The following PTPRN2 variants were observed in gnomAD, a reference collection of about 807,000 sequenced individuals.
PTPRN2 encodes protein tyrosine phosphatase receptor type N2, also known as receptor-type tyrosine-protein phosphatase N2.
Under a neutral mutation model 118.8 loss-of-function variants are expected in PTPRN2, and 74 were observed. The ratio of observed to expected loss-of-function variants is 0.62; its 90% CI spans 0.52 to 0.76. The LOEUF (loss-of-function observed/expected upper bound fraction) is 0.76, where lower values mean the gene tolerates loss of function less well. Ranked by LOEUF, PTPRN2 falls within the 30% of genes least tolerant of loss-of-function variation. The pLI, the probability that PTPRN2 is intolerant of heterozygous loss-of-function variation, is 0.00. For synonymous variants in PTPRN2, 641 were observed against 608.0 expected (o/e 1.05, Z -0.80); for missense variants, 1,481 against 1,394.4 (o/e 1.06, Z -0.99).
intron 3 of PTPRN2, among the ~76,000 whole-genome samples, chr7:158,253,771 A>G (rs942365435): frequency 1.3e-5 from 2 of 152,246 alleles, no homozygotes; most frequent in Non-Finnish European, 2.9e-5. Context: ...GAAGAGCGGA[A>G]TAACTCTTTT....
At chr7:158,183,607 C>G (rs1027704917) in intron 5 of PTPRN2, among the ~76,000 whole-genome samples, 3 of 152,256 alleles carry the variant, frequency 2.0e-5, no homozygotes, top group Admixed American at 6.5e-5. Flanking sequence ...GCACACAGGG[C>G]TCTTTCTACT....
At chr7:158,177,090 C>A (rs914990103) in intron 5 of PTPRN2, among the ~76,000 whole-genome samples, 1 of 152,206 alleles carries the variant, frequency 6.6e-6, no homozygotes, top group African/African-American at 2.4e-5. Context: ...CCTGTGAATG[C>A]AGGCGTCCCT....
intron 2 of PTPRN2, among the ~76,000 whole-genome samples, chr7:158,473,649 C>G (rs1447677456): frequency 6.6e-6 from 1 of 152,212 alleles, no homozygotes; most frequent in South Asian, 2.1e-4. Context: ...CATGGTGTCC[C>G]AAGGACACTG....
At chr7:158,213,672 T>C (rs559124150) in intron 3 of PTPRN2, among the ~76,000 whole-genome samples, 29 of 152,320 alleles carry the variant, frequency 1.9e-4, no homozygotes, top group African/African-American at 6.0e-4. Flanking sequence ...TTTATATAGC[T>C]ATTTCTGATC....
At position 157,976,588 on chromosome 7, in the gene PTPRN2, G is replaced by T. The variant is rs145515502; in HGVS notation, c.1724-77851C>A. On this transcript the variant is annotated intron_variant, in intron 11 of 22. Coordinates refer to ENST00000389418, the MANE Select transcript of PTPRN2 (RefSeq NM_002847.5). The stretch of plus-strand genomic sequence containing the variant: ...TCCTGGGATAGTCACGCATGTGCCT[G>T]TGCGGCTGCCCTACCAGACCCTGGG... Among the ~76,000 whole-genome samples the T allele has an allele frequency of 1.5e-3, 234 of 151,776 alleles. 3 individuals are homozygous for T. Among genetic ancestry groups the T allele is most frequent in the African/African-American group, 5.5e-3 (227 of 41,478 alleles).
chr7:157,648,694 G>A (rs1178208534), intron 14 of PTPRN2, among the ~76,000 whole-genome samples: 5 of 145,302 alleles, frequency 3.4e-5, no homozygotes, highest in Admixed American at 7.0e-5. Flanking sequence ...CACTGAACTC[G>A]GTGGGTCAGA....
At chr7:157,662,578 G>A (rs534163247) in intron 13 of PTPRN2, among the ~76,000 whole-genome samples, 1 of 152,338 alleles carries the variant, frequency 6.6e-6, no homozygotes, top group East Asian at 1.9e-4. Flanking sequence ...CTTTAGGCAG[G>A]AGAGGCTCAG....
chr7:158,545,669 TG>T (rs975608363), intron 1 of PTPRN2, among the ~76,000 whole-genome samples: 1 of 152,188 alleles, frequency 6.6e-6, no homozygotes. Flanking sequence ...CTGGAGTTGC[TG>T]TCACCCCCAG....
Position 157,596,900 on chromosome 7 carries a change from T to C in PTPRN2, c.2419-1585A>G, listed in dbSNP as rs75486211. Among the ~76,000 whole-genome samples, 39 of 152,302 alleles carry C rather than the reference T, an allele frequency of 2.6e-4. No individual in the cohort carries two copies. Among genetic ancestry groups the C allele is most frequent in the East Asian group, 2.3e-3 (12 of 5,184 alleles). On this transcript the variant is annotated intron_variant, in intron 16 of 22. Transcript: ENST00000389418. The surrounding 1 kb of genome is among the most constrained non-coding windows in gnomAD (Gnocchi z 4.2). Reference sequence around the variant, plus strand: ...TCAACACAGTGAAAAATGAGCAAATTTTAACCCTATGCAATTTTAAGCCAA... The same window carrying C: ...TCAACACAGTGAAAAATGAGCAAATCTTAACCCTATGCAATTTTAAGCCAA...
chr7:158,223,537 T>C (rs1489348628), intron 3 of PTPRN2, among the ~76,000 whole-genome samples: 1 of 152,126 alleles, frequency 6.6e-6, no homozygotes, highest in Non-Finnish European at 1.5e-5. Context: ...TAATCCACCA[T>C]ATTAATAGGC....
chr7:157,991,126 C>A (rs1172448316), intron 11 of PTPRN2, among the ~76,000 whole-genome samples: 3 of 151,996 alleles, frequency 2.0e-5, no homozygotes, highest in African/African-American at 7.2e-5. Context: ...TGTCACAAGC[C>A]AAGGCGACCG....
At chr7:157,574,546 C>T (rs1359504383) in intron 19 of PTPRN2, 2 of 302,424 alleles carry the variant, frequency 6.6e-6, no homozygotes, top group African/African-American at 4.3e-5. Flanking sequence ...GTTTTTAAAG[C>T]AAAGCCCTCA....
intron 2 of PTPRN2, among the ~76,000 whole-genome samples, chr7:158,321,847 A>ACACG (rs1329540362): frequency 1.3e-5 from 2 of 152,216 alleles, no homozygotes; most frequent in Non-Finnish European, 2.9e-5. Flanking sequence ...GCTAACTCAT[A>ACACG]CACGCACATA....
rs376317333 is a variant in PTPRN2 at position 157,660,236 on chromosome 7, A to G, written c.2002-3685T>C. Among the ~76,000 whole-genome samples the G allele has an allele frequency of 9.9e-5, 15 of 152,270 alleles. No individual in the cohort carries two copies. The East Asian group carries it at 2.7e-3, about 27-fold the overall frequency. On this transcript the variant is annotated intron_variant, in intron 13 of 22. Transcript: ENST00000389418. ...CCGAGAATGTGACCCTCTGGGGAAGAGGATTTGAAACGCTGGAGATTTACT... is the reference window on the plus strand; with the variant it reads ...CCGAGAATGTGACCCTCTGGGGAAGGGGATTTGAAACGCTGGAGATTTACT...
At chr7:158,184,397 G>A (rs1484325040) in intron 5 of PTPRN2, among the ~76,000 whole-genome samples, 5 of 151,996 alleles carry the variant, frequency 3.3e-5, no homozygotes, top group African/African-American at 1.2e-4. Context: ...ATATTTAATT[G>A]TTGCTAGTAT....
chr7:157,860,869 G>A (rs1446246503), intron 12 of PTPRN2, among the ~76,000 whole-genome samples: 1 of 152,254 alleles, frequency 6.6e-6, no homozygotes, highest in African/African-American at 2.4e-5. Context: ...CTGGCCGGGT[G>A]CATTTCTATT....
intron 2 of PTPRN2, among the ~76,000 whole-genome samples, chr7:158,462,167 A>C (rs965944341): frequency 7.3e-6 from 1 of 136,716 alleles, no homozygotes; most frequent in South Asian, 2.5e-4. Flanking sequence ...CACTCGCCCT[A>C]TATCTCCAAA....
At chr7:157,760,440 T>G (rs531374325) in intron 12 of PTPRN2, among the ~76,000 whole-genome samples, 1 of 151,712 alleles carries the variant, frequency 6.6e-6, no homozygotes, top group East Asian at 1.9e-4. Context: ...AAACCACAAG[T>G]CCTGCCCTCG....
intron 5 of PTPRN2, among the ~76,000 whole-genome samples, chr7:158,171,332 T>TAC (rs1248898737): frequency 1.6e-5 from 2 of 122,798 alleles, no homozygotes; most frequent in African/African-American, 3.3e-5. Context: ...TATATATATA[T>TAC]ATATATATAT....
Sources: allele counts gnomAD v4.1 joint callset (sites outside exome capture counted in the v4.1 genomes callset), GRCh38; gene constraint gnomAD v4.1.1; non-coding constraint Gnocchi (gnomAD v3.1); transcripts MANE v1.5; gene names NCBI Gene and HGNC (gene_info 2026-07-23, HGNC 2026-07-21).